Variants in HNF4A observed in about 807,000 individuals in gnomAD.
HNF4A encodes the protein hepatocyte nuclear factor 4-alpha.
A neutral mutation model predicts 52.4 loss-of-function variants in HNF4A; 15 were observed. That is an observed-to-expected ratio of 0.29 (90% CI 0.19 to 0.44). HNF4A has a LOEUF of 0.44. Ranked by LOEUF, HNF4A falls within the 20% of genes least tolerant of loss-of-function variation. The pLI is 1.00. For missense variants in HNF4A, 479 were observed against 647.2 expected (o/e 0.74, Z 2.82); for synonymous variants, 280 against 264.4 (o/e 1.06, Z -0.57).
chr20:44,428,627 T>C, intron 9 of HNF4A, 140 bp downstream of exon 9: 1 of 824,688 alleles, frequency 1.2e-6, no homozygotes, highest in East Asian at 2.7e-5. Context: ...AGGGCAAGAT[T>C]GTCCATTTGT....
upstream of HNF4A, among the ~76,000 whole-genome samples, chr20:44,396,322 C>G (rs1364632810): frequency 6.6e-6 from 1 of 152,200 alleles, no homozygotes; most frequent in Non-Finnish European, 1.5e-5. Context: ...CACAAAATTT[C>G]TCTGTAAACA....
chr20:44,418,007 G>A (rs965629091), intron 5 of HNF4A, among the ~76,000 whole-genome samples: 14 of 151,072 alleles, frequency 9.3e-5, no homozygotes, highest in Non-Finnish European at 1.5e-4. Context: ...TTTTTACAAA[G>A]CACCCTTCAT....
At chr20:44,361,119 A>G (rs2062912370) in intron 1 of HNF4A, among the ~76,000 whole-genome samples, 1 of 151,718 alleles carries the variant, frequency 6.6e-6, no homozygotes, top group Non-Finnish European at 1.5e-5. Context: ...CCCCTCCCAC[A>G]TCACCTTCCC....
intron 1 of HNF4A, among the ~76,000 whole-genome samples, chr20:44,361,656 G>A (rs777392139): frequency 2.6e-5 from 4 of 151,854 alleles, no homozygotes; most frequent in Non-Finnish European, 5.9e-5. Flanking sequence ...CTAGCCTGGC[G>A]ACAGGAGTCA....
At chr20:44,401,193 G>A (rs919228091), upstream of HNF4A, 27 of 1,459,904 alleles carry the variant, frequency 1.8e-5, no homozygotes, top group Admixed American at 8.5e-5. Flanking sequence ...ACCCCTCCCC[G>A]GCAGAGCCTC....
At chr20:44,390,680 G>A (rs1291032266) in intron 1 of HNF4A, 11 of 702,196 alleles carry the variant, frequency 1.6e-5, no homozygotes, top group Non-Finnish European at 2.9e-5. Flanking sequence ...GACCCACCAG[G>A]TATGGTCCTG....
intron 1 of HNF4A, among the ~76,000 whole-genome samples, chr20:44,360,445 A>T (rs2062904716): frequency 6.6e-6 from 1 of 152,106 alleles, no homozygotes; most frequent in Admixed American, 6.6e-5. Context: ...GGGTAAGTAG[A>T]TGGATGGAAA....
At chr20:44,397,604 G>C (rs965235227), upstream of HNF4A, among the ~76,000 whole-genome samples, 1 of 151,642 alleles carries the variant, frequency 6.6e-6, no homozygotes, top group African/African-American at 2.4e-5. Context: ...ATGAACCAAC[G>C]TCTCTTCATC....
At chr20:44,386,804 T>C (rs1163218027) in intron 1 of HNF4A, among the ~76,000 whole-genome samples, 1 of 152,162 alleles carries the variant, frequency 6.6e-6, no homozygotes, top group Non-Finnish European at 1.5e-5. Context: ...CCATTAAGAG[T>C]TTGAACCTTT....
intron 8 of HNF4A, chr20:44,424,561 C>G: frequency 2.4e-6 from 3 of 1,227,066 alleles, no homozygotes; most frequent in Non-Finnish European, 3.4e-6. Context: ...GCGTGGATAT[C>G]TGTGTATATG....
chr20:44,388,305 A>G (rs927725174), intron 1 of HNF4A, among the ~76,000 whole-genome samples: 17 of 145,704 alleles, frequency 1.2e-4, no homozygotes, highest in African/African-American at 4.5e-4. Flanking sequence ...ATCATTATAC[A>G]TGCCCCATAC....
At chr20:44,425,000 G>C (rs2054008810) in intron 8 of HNF4A, among the ~76,000 whole-genome samples, 1 of 152,134 alleles carries the variant, frequency 6.6e-6, no homozygotes, top group African/African-American at 2.4e-5. Context: ...TTTATTCTTT[G>C]AGACAAAGTC....
chr20:44,410,278 C>T (rs1022054488), intron 3 of HNF4A, among the ~76,000 whole-genome samples: 3 of 152,156 alleles, frequency 2.0e-5, no homozygotes, highest in Admixed American at 6.5e-5. Context: ...ACATGCTGCC[C>T]GGAGGATAGG....
chr20:44,417,022 T>C (rs771295052), intron 5 of HNF4A, among the ~76,000 whole-genome samples: 8 of 152,242 alleles, frequency 5.3e-5, no homozygotes, highest in Admixed American at 6.5e-5. Flanking sequence ...TAAATGTTAG[T>C]TCGATGAGAT....
chr20:44,408,576 A>C (rs547115468), intron 3 of HNF4A, among the ~76,000 whole-genome samples: 1 of 152,110 alleles, frequency 6.6e-6, no homozygotes, highest in South Asian at 2.1e-4. Context: ...AATACAAAAA[A>C]ATTAGCTGGG....
chr20:44,411,785 G>A (rs977355450), intron 3 of HNF4A, among the ~76,000 whole-genome samples: 1 of 152,118 alleles, frequency 6.6e-6, no homozygotes, highest in African/African-American at 2.4e-5. Context: ...TTATGACCAG[G>A]TGTGGTGCCT....
At chr20:44,355,768 T>G (rs1164071640) in exon 1 of HNF4A, 1 of 1,608,382 alleles carries the variant, frequency 6.2e-7, no homozygotes, top group African/African-American at 1.3e-5. Context: ...CCCCTGCTCC[T>G]CCATGCCCCC....
Position 44,362,643 on chromosome 20 carries a change from T to A in HNF4A, c.49+6790T>A, listed in dbSNP as rs569059957. On this transcript the variant is annotated intron_variant, in intron 1 of 9. Coordinates refer to the HNF4A transcript ENST00000316673. ...TAACCCATCCAAGTAGGAAATATTA[T>A]CTCCATTTTATAAACAAAGAAATTG... Among the ~76,000 whole-genome samples, 7 of 152,238 alleles carry A rather than the reference T, an allele frequency of 4.6e-5. No homozygotes were observed. In the South Asian group the frequency reaches 1.2e-3, roughly 27 times the overall value.
chr20:44,355,772 T>C lies in HNF4A; in HGVS notation c.-33T>C, dbSNP rs370825094. 1.6e-5 allele frequency: 25 copies of C among 1,609,240 alleles called. No individual in the cohort carries two copies. The highest frequency in any genetic ancestry group is 3.3e-5 in the Admixed American group (2 of 59,978). ...CTGTGAGCGGGCCCCTGCTCCTCCA[T>C]GCCCCCAGCTCTCCGGCTGGGTGGG... On this transcript the variant is annotated 5_prime_UTR_variant, in exon 1 of 10. It removes an upstream start codon present in the reference 5' UTR. Coordinates refer to the HNF4A transcript ENST00000316673.
Sources: gnomAD v4.1 joint callset for allele counts (sites outside exome capture counted in the v4.1 genomes callset) on GRCh38, gnomAD v4.1.1 for gene constraint, MANE v1.5 for transcripts, NCBI Gene and HGNC (gene_info 2026-07-23, HGNC 2026-07-21) for gene names.